NAV3: variants seen among roughly 807,000 people sequenced by gnomAD.
NAV3 encodes the protein neuron navigator 3.
In NAV3, 87 loss-of-function variants were observed where a neutral mutation model predicts 244.7. The observed-to-expected ratio is 0.36, with a 90% CI of 0.30 to 0.42. The LOEUF is 0.42. NAV3 is among the 20% of genes least tolerant of loss of function. The probability of loss-of-function intolerance (pLI) is 1.00; values close to 1 mark genes in which losing one functional copy is unlikely to be tolerated. For missense variants in NAV3, 2,663 were observed against 2,893.3 expected (o/e 0.92, Z 1.83); for synonymous variants, 1,126 against 1,042.2 (o/e 1.08, Z -1.55).
At position 78,122,333 on chromosome 12, in the gene NAV3, C is replaced by T. The variant is rs1278970414; in HGVS notation, c.4143C>T (p.Ser1381=). ...TSSESIDLPL[S]HHGSLSGLTT... ...CTGAGTCCATTGACCTCCCCCTCAG[C>T]CATCATGGCTCCTTGTCTGGACTGA... The change falls in exon 16 of 40, where the codon AGC becomes AGT. Residue 1381 remains serine (S), a synonymous_variant. Transcript: ENST00000397909. 1 of 1,614,010 alleles carries T rather than the reference C, an allele frequency of 6.2e-7. No homozygotes were observed. Among genetic ancestry groups the T allele is most frequent in the African/African-American group, 1.3e-5 (1 of 74,908 alleles).
At chr12:78,060,214 T>C (rs1884127300) in intron 12 of NAV3, among the ~76,000 whole-genome samples, 2 of 152,308 alleles carry the variant, frequency 1.3e-5, no homozygotes, top group Non-Finnish European at 2.9e-5. Context: ...TCAGCATTTA[T>C]GAAAAAGACA....
At chr12:78,192,177 A>C (rs1959012017) in intron 34 of NAV3, among the ~76,000 whole-genome samples, 1 of 151,998 alleles carries the variant, frequency 6.6e-6, no homozygotes, top group Non-Finnish European at 1.5e-5. Context: ...TCTGTTAAGA[A>C]CATGTTAGTG....
chr12:78,128,575 A>G, intron 17 of NAV3, 131 bp from the exon 18 acceptor site: 1 of 863,240 alleles, frequency 1.2e-6, no homozygotes, highest in Non-Finnish European at 1.7e-6. Context: ...AGAACTGAGC[A>G]ATTATAATTA....
chr12:78,001,267 T>G (rs1202936432), intron 7 of NAV3, among the ~76,000 whole-genome samples: 3 of 152,156 alleles, frequency 2.0e-5, no homozygotes, highest in Admixed American at 1.3e-4. Context: ...CTTTTCCCTT[T>G]TAGTTATTAA....
At chr12:77,820,200 T>C (rs1368004380) in intron 2 of NAV3, among the ~76,000 whole-genome samples, 1 of 152,172 alleles carries the variant, frequency 6.6e-6, no homozygotes, top group Non-Finnish European at 1.5e-5. Flanking sequence ...TTGCATCTTT[T>C]ATAGTAGGTT....
At chr12:77,851,628 T>C (rs1026095921) in intron 1 of NAV3, among the ~76,000 whole-genome samples, 7 of 152,198 alleles carry the variant, frequency 4.6e-5, no homozygotes, top group African/African-American at 1.7e-4. Context: ...TTAGGGAAAC[T>C]TTAGATCAAC....
intron 2 of NAV3, among the ~76,000 whole-genome samples, chr12:77,790,465 G>A (rs935170821): frequency 6.6e-6 from 1 of 152,108 alleles, no homozygotes; most frequent in African/African-American, 2.4e-5. Context: ...TGTCATGAAA[G>A]AATTAGTTTT....
chr12:78,033,014 G>A (rs763405325), intron 9 of NAV3, among the ~76,000 whole-genome samples: 7 of 151,972 alleles, frequency 4.6e-5, no homozygotes, highest in Non-Finnish European at 8.8e-5. Context: ...ATGTTCATAG[G>A]TGCTGGACTG....
chr12:78,007,382 A>G lies in NAV3; in HGVS notation c.1844A>G (p.Gln615Arg). 6.2e-7 allele frequency: 1 copy of G among 1,614,110 alleles called. No individual in the cohort carries two copies. Residue 615 changes from glutamine (Q) to arginine (R), a missense_variant, in exon 8 of 40, where the codon CAA becomes CGA. Coordinates refer to ENST00000397909, the MANE Select transcript of NAV3 (RefSeq NM_001024383.2). Reference sequence around the variant, plus strand: ...CAGAGCACAGGAAATGGTGCTGTCCAACTCCCTCAACAGCAGCAACATAGC... The same window carrying G: ...CAGAGCACAGGAAATGGTGCTGTCCGACTCCCTCAACAGCAGCAACATAGC... ...SGQSTGNGAV[Q>R]LPQQQQHSHP... is the part of the protein sequence containing the mutation.
intron 5 of NAV3, among the ~76,000 whole-genome samples, chr12:77,990,760 T>C (rs1159377047): frequency 6.6e-6 from 1 of 152,198 alleles, no homozygotes; most frequent in East Asian, 1.9e-4. Flanking sequence ...CTTCTGTACA[T>C]TACAATTGGT....
At chr12:78,144,057 A>G (rs1005131510) in intron 20 of NAV3, among the ~76,000 whole-genome samples, 3 of 152,156 alleles carry the variant, frequency 2.0e-5, no homozygotes, top group African/African-American at 7.2e-5. Context: ...TTTATTCTTT[A>G]TTAGCCTTGT....
At chr12:77,591,600 A>T (rs1247242983) in intron 2 of NAV3, among the ~76,000 whole-genome samples, 2 of 152,224 alleles carry the variant, frequency 1.3e-5, no homozygotes. Context: ...TATCCATAAC[A>T]ATTTGATCAG....
intron 36 of NAV3, 142 bp downstream of exon 36, chr12:78,198,818 G>T (rs1441301640): frequency 3.2e-6 from 2 of 616,316 alleles, no homozygotes; most frequent in Non-Finnish European, 2.9e-6. Context: ...TGCCAGAGAT[G>T]ACCTGTGGTG....
chr12:77,626,459 A>T (rs547938537), intron 2 of NAV3, among the ~76,000 whole-genome samples: 1 of 152,288 alleles, frequency 6.6e-6, no homozygotes, highest in East Asian at 1.9e-4. Flanking sequence ...AAGTTCAAAG[A>T]TTCCGAAATA....
intron 2 of NAV3, among the ~76,000 whole-genome samples, chr12:77,758,345 G>T (rs1482321740): frequency 6.6e-6 from 1 of 151,968 alleles, no homozygotes; most frequent in African/African-American, 2.4e-5. Context: ...AGACTATTTT[G>T]TTCATTGTAC....
chr12:77,965,058 G>A (rs894280607), intron 3 of NAV3, among the ~76,000 whole-genome samples: 1 of 152,038 alleles, frequency 6.6e-6, no homozygotes, highest in Non-Finnish European at 1.5e-5. Flanking sequence ...CATAGCTTTC[G>A]ATGAGAATTT....
At chr12:78,086,790 C>G (rs1246341067) in intron 12 of NAV3, among the ~76,000 whole-genome samples, 1 of 151,980 alleles carries the variant, frequency 6.6e-6, no homozygotes, top group Non-Finnish European at 1.5e-5. Context: ...TTATTCTTTC[C>G]TCTATGATCA....
At chr12:77,572,967 G>C (rs1868898883) in intron 2 of NAV3, among the ~76,000 whole-genome samples, 1 of 152,134 alleles carries the variant, frequency 6.6e-6, no homozygotes, top group South Asian at 2.1e-4. Flanking sequence ...ACCACCTAAA[G>C]AACACTTATC....
intron 36 of NAV3, 64 bp downstream of exon 36, chr12:78,198,740 G>T: frequency 2.3e-6 from 2 of 858,290 alleles, no homozygotes; most frequent in East Asian, 2.7e-5. Flanking sequence ...GGGCAGGGGA[G>T]GGGGTTGGCA....
Sources: gnomAD v4.1 joint callset for allele counts (sites outside exome capture counted in the v4.1 genomes callset) on GRCh38, gnomAD v4.1.1 for gene constraint, MANE v1.5 for transcripts, NCBI Gene and HGNC (gene_info 2026-07-23, HGNC 2026-07-21) for gene names.